INTS15: variants seen among roughly 807,000 people sequenced by gnomAD.
INTS15 encodes integrator complex subunit 15.
the INTS15 span, chr7:6,600,351 C>T: frequency 1.6e-5 from 25 of 1,609,418 alleles, no homozygotes; most frequent in East Asian, 4.5e-5. Flanking sequence ...CTGCTGTGCA[C>T]GAGAGGTGGG....
chr7:6,603,069 G>A, the INTS15 span, among the ~76,000 whole-genome samples: 1 of 151,946 alleles, frequency 6.6e-6, no homozygotes, highest in Admixed American at 6.6e-5. Flanking sequence ...GGTCAACATG[G>A]TGAAACCCCG....
the INTS15 span, among the ~76,000 whole-genome samples, chr7:6,599,066 G>T: frequency 6.6e-6 from 1 of 152,138 alleles, no homozygotes; most frequent in Admixed American, 6.6e-5. Context: ...GGGATTGCAG[G>T]TGTGAGCCTG....
the INTS15 span, chr7:6,607,601 G>C: frequency 7.2e-7 from 1 of 1,385,352 alleles, no homozygotes. This position sits in a 1 kb window ranked among gnomAD's most constrained non-coding sequence, Gnocchi z 6.0. Context: ...AATTCAGGTA[G>C]GGCGCGGTCA....
the INTS15 span, among the ~76,000 whole-genome samples, chr7:6,597,447 A>C: frequency 6.6e-6 from 1 of 152,078 alleles, no homozygotes; most frequent in Non-Finnish European, 1.5e-5. Flanking sequence ...GGCATGCGCC[A>C]CCACGCCTGG....
the INTS15 span, chr7:6,590,256 T>C: frequency 6.8e-7 from 1 of 1,480,824 alleles, no homozygotes; most frequent in Admixed American, 2.4e-5. Flanking sequence ...TGAGACGCGC[T>C]CGGCGCGGGG....
the INTS15 span, among the ~76,000 whole-genome samples, chr7:6,596,940 G>A: frequency 1.1e-4 from 17 of 151,598 alleles, no homozygotes; most frequent in African/African-American, 3.6e-4. Flanking sequence ...TACCACACCC[G>A]GCTAATTTTT....
the INTS15 span, among the ~76,000 whole-genome samples, chr7:6,592,290 G>C: frequency 6.6e-6 from 1 of 151,952 alleles, no homozygotes; most frequent in Non-Finnish European, 1.5e-5. Flanking sequence ...TTTTGGCCAT[G>C]CTTAGTGGTT....
the INTS15 span, among the ~76,000 whole-genome samples, chr7:6,605,493 T>A: frequency 2.0e-5 from 3 of 152,160 alleles, no homozygotes; most frequent in African/African-American, 7.2e-5. Context: ...CATCCGAGTC[T>A]TATAACCAGG....
the INTS15 span, among the ~76,000 whole-genome samples, chr7:6,598,388 G>A: frequency 6.8e-6 from 1 of 148,132 alleles, no homozygotes; most frequent in Admixed American, 6.9e-5. Context: ...AGAATCGCTT[G>A]AACCCGGGAT....
the INTS15 span, among the ~76,000 whole-genome samples, chr7:6,601,072 ATCC>A: frequency 6.6e-6 from 1 of 151,826 alleles, no homozygotes; most frequent in South Asian, 2.1e-4. Flanking sequence ...AGCTCAGGCA[ATCC>A]TCCTCCCTCA....
chr7:6,591,481 G>C, the INTS15 span, among the ~76,000 whole-genome samples: 8 of 152,080 alleles, frequency 5.3e-5, no homozygotes, highest in East Asian at 1.6e-3. Flanking sequence ...GGCCAGGCTG[G>C]TCTCGAACTC....
the INTS15 span, among the ~76,000 whole-genome samples, chr7:6,594,068 G>T: frequency 1.4e-5 from 2 of 143,648 alleles, no homozygotes; most frequent in African/African-American, 5.3e-5. Context: ...GAGTGCAGTG[G>T]TGTGATCTTG....
chr7:6,599,725 G>C, the INTS15 span: 1 of 1,100,842 alleles, frequency 9.1e-7, no homozygotes, highest in South Asian at 1.5e-5. Flanking sequence ...CAGACCATCA[G>C]GTGGGCAGTG....
At chr7:6,595,543 A>G in the INTS15 span, among the ~76,000 whole-genome samples, 9 of 152,186 alleles carry the variant, frequency 5.9e-5, no homozygotes, top group Admixed American at 5.9e-4. Context: ...AGAGGGAACT[A>G]TTAGTGATAC....
At chr7:6,596,084 C>T in the INTS15 span, among the ~76,000 whole-genome samples, 2 of 151,908 alleles carry the variant, frequency 1.3e-5, no homozygotes, top group East Asian at 3.9e-4. Flanking sequence ...CAGAGTCTCC[C>T]TCTGTCGCCC....
At chr7:6,593,543 C>G in the INTS15 span, among the ~76,000 whole-genome samples, 1 of 151,714 alleles carries the variant, frequency 6.6e-6, no homozygotes, top group African/African-American at 2.4e-5. Context: ...ACTGTGTTAG[C>G]CAGGATGGTC....
the INTS15 span, among the ~76,000 whole-genome samples, chr7:6,600,720 C>T: frequency 1.3e-5 from 2 of 152,308 alleles, no homozygotes; most frequent in Admixed American, 6.5e-5. Flanking sequence ...TGCAGTGGCA[C>T]GATCTCAACT....
chr7:6,605,708 T>C, the INTS15 span, among the ~76,000 whole-genome samples: 1 of 152,082 alleles, frequency 6.6e-6, no homozygotes. Flanking sequence ...TTCTTTTCTT[T>C]TCTTTTTTGA....
At chr7:6,603,956 C>G in the INTS15 span, among the ~76,000 whole-genome samples, 2 of 151,656 alleles carry the variant, frequency 1.3e-5, no homozygotes, top group Non-Finnish European at 2.9e-5. Context: ...GAGTTGTGGT[C>G]GCAACTGTAC....
Sources: gnomAD v4.1 joint callset for allele counts (sites outside exome capture counted in the v4.1 genomes callset) on GRCh38, gnomAD v4.1.1 for gene constraint, Gnocchi (gnomAD v3.1) non-coding constraint, MANE v1.5 for transcripts, NCBI Gene and HGNC (gene_info 2026-07-23, HGNC 2026-07-21) for gene names.